The following CRYBG1 variants were observed in gnomAD, a reference collection of about 807,000 sequenced individuals.
CRYBG1 encodes beta/gamma crystallin domain-containing protein 1.
Under a neutral mutation model 189.2 loss-of-function variants are expected in CRYBG1, and 139 were observed. That is an observed-to-expected ratio of 0.73 (90% CI 0.64 to 0.85). CRYBG1 has a LOEUF of 0.85. Among genes scored for constraint, CRYBG1 ranks in the 40% least tolerant of loss-of-function variants. The pLI, the probability that CRYBG1 is intolerant of heterozygous loss-of-function variation, is 0.00. For missense variants in CRYBG1, 2,611 were observed against 2,675.8 expected (o/e 0.98, Z 0.53); for synonymous variants, 1,023 against 1,017.1 (o/e 1.01, Z -0.11).
intron 18 of CRYBG1, among the ~76,000 whole-genome samples, chr6:106,559,454 C>G (rs538767350): frequency 1.3e-5 from 2 of 151,940 alleles, no homozygotes; most frequent in Non-Finnish European, 2.9e-5. Context: ...TACCTGTGTA[C>G]AACAGATGTT....
At chr6:106,421,983 A>G in intron 1 of CRYBG1, among the ~76,000 whole-genome samples, 1 of 152,002 alleles carries the variant, frequency 6.6e-6, no homozygotes, top group Middle Eastern at 3.2e-3. Flanking sequence ...GGAAAGACCC[A>G]CCTCCATGAT....
At chr6:106,413,612 G>C (rs1041959400) in intron 1 of CRYBG1, among the ~76,000 whole-genome samples, 1 of 152,060 alleles carries the variant, frequency 6.6e-6, no homozygotes, top group African/African-American at 2.4e-5. Context: ...CGGAAGCAGC[G>C]GTTGCAGTGA....
chr6:106,481,428 G>T (rs888437580), intron 2 of CRYBG1, among the ~76,000 whole-genome samples: 1 of 152,090 alleles, frequency 6.6e-6, no homozygotes, highest in Non-Finnish European at 1.5e-5. Flanking sequence ...AGGTACACTT[G>T]CCACCCCATG....
intron 1 of CRYBG1, among the ~76,000 whole-genome samples, chr6:106,399,577 T>A (rs1476093652): frequency 6.6e-6 from 1 of 152,182 alleles, no homozygotes; most frequent in Non-Finnish European, 1.5e-5. Context: ...TGCAGTATTC[T>A]CTTATGGCTT....
intron 9 of CRYBG1, chr6:106,541,154 T>A: frequency 4.5e-6 from 2 of 441,504 alleles, no homozygotes; most frequent in Non-Finnish European, 9.3e-6. Context: ...CCGAAGGGAA[T>A]GGTAGAGACG....
chr6:106,555,710 T>C, intron 16 of CRYBG1, 58 bp from the exon 17 acceptor site: 1 of 1,570,034 alleles, frequency 6.4e-7, no homozygotes, highest in South Asian at 1.2e-5. Context: ...TCAGACTTCT[T>C]GAATAGGAGT....
Position 106,513,081 on chromosome 6 carries a change from A to G in CRYBG1, c.1922+42A>G, listed in dbSNP as rs775606758. ...GTCCCGGCCGAGTTGCTGTCCGCACACGTGCTGGGGGTCCGCTCTGAGAGG... is the reference window on the plus strand; with the variant it reads ...GTCCCGGCCGAGTTGCTGTCCGCACGCGTGCTGGGGGTCCGCTCTGAGAGG... On this transcript the variant is annotated intron_variant, in intron 3 of 21. Transcript: ENST00000633556. 13 of 1,571,690 alleles carry G rather than the reference A, an allele frequency of 8.3e-6. No homozygotes were observed. In the East Asian group the frequency reaches 3.0e-4, roughly 36 times the overall value.
At chr6:106,494,909 A>G (rs373318911) in intron 2 of CRYBG1, among the ~76,000 whole-genome samples, 2 of 152,228 alleles carry the variant, frequency 1.3e-5, no homozygotes, top group African/African-American at 4.8e-5. Context: ...ACAACATTAA[A>G]TAAAATTGAC....
chr6:106,443,126 A>G (rs764916214), intron 1 of CRYBG1, among the ~76,000 whole-genome samples: 6 of 152,346 alleles, frequency 3.9e-5, no homozygotes, highest in Non-Finnish European at 4.4e-5. Flanking sequence ...GTTGGAATGC[A>G]CAAGAGTAGA....
At position 106,556,324 on chromosome 6, in the gene CRYBG1, T is replaced by C. The variant is rs563580882; in HGVS notation, c.5715+427T>C. Reference sequence around the variant, plus strand: ...ATGAGCAGAAAGCAGTATGTCGTCATTGGGTTAATTTGTATTTCACTATTA... The same window carrying C: ...ATGAGCAGAAAGCAGTATGTCGTCACTGGGTTAATTTGTATTTCACTATTA... On this transcript the variant is annotated intron_variant, in intron 17 of 21. Coordinates refer to ENST00000633556, the MANE Select transcript of CRYBG1 (RefSeq NM_001371242.2). Among the ~76,000 whole-genome samples, 6 of 152,368 alleles carry C rather than the reference T, an allele frequency of 3.9e-5. No individual in the cohort carries two copies. In the East Asian group the frequency reaches 1.2e-3, roughly 29 times the overall value.
chr6:106,440,409 C>T (rs1771546254), intron 1 of CRYBG1, among the ~76,000 whole-genome samples: 1 of 151,772 alleles, frequency 6.6e-6, no homozygotes, highest in African/African-American at 2.4e-5. Flanking sequence ...GGACTGTAGG[C>T]GCACACCACC....
chr6:106,505,931 TA>T (rs796364240), intron 2 of CRYBG1, among the ~76,000 whole-genome samples: 6 of 149,808 alleles, frequency 4.0e-5, no homozygotes, highest in East Asian at 3.9e-4. Context: ...CACACGTGTT[TA>T]AAAAAAAAAG....
Position 106,557,713 on chromosome 6 carries a change from G to A in CRYBG1, c.5716-773G>A, listed in dbSNP as rs577521358. 2.2e-3 allele frequency among the ~76,000 whole-genome samples: 339 copies of A among 152,000 alleles called. 1 individual carries two copies. The highest frequency in any genetic ancestry group is 3.5e-3 in the Non-Finnish European group (235 of 67,948). On this transcript the variant is annotated intron_variant, in intron 17 of 21. Coordinates refer to ENST00000633556, the MANE Select transcript of CRYBG1 (RefSeq NM_001371242.2). ...CTCCCAAAGTGCTGGGATGACAGGC[G>A]TAAGCCACCATGCCCGGCCTCCCAC...
At chr6:106,461,589 ATTTGT>A (rs899108128) in intron 2 of CRYBG1, among the ~76,000 whole-genome samples, 3 of 152,078 alleles carry the variant, frequency 2.0e-5, no homozygotes, top group African/African-American at 7.2e-5. Context: ...GTGATAGAAT[ATTTGT>A]TTTGGTCAGA....
chr6:106,399,693 G>A (rs540720660), intron 1 of CRYBG1, among the ~76,000 whole-genome samples: 2 of 134,068 alleles, frequency 1.5e-5, no homozygotes, highest in Admixed American at 1.7e-4. Flanking sequence ...GTCTCACTCT[G>A]TTACCTAGCC....
At chr6:106,392,990 GTC>G (rs946366726) in intron 1 of CRYBG1, among the ~76,000 whole-genome samples, 44 of 152,144 alleles carry the variant, frequency 2.9e-4, no homozygotes, top group Admixed American at 5.2e-4. Flanking sequence ...GGCCAGGCAG[GTC>G]TCGAACTCCT....
At chr6:106,437,721 G>A (rs992573229) in intron 1 of CRYBG1, among the ~76,000 whole-genome samples, 1 of 152,230 alleles carries the variant, frequency 6.6e-6, no homozygotes, top group African/African-American at 2.4e-5. Flanking sequence ...ACAGGCATGA[G>A]CTACTGCACC....
At chr6:106,480,992 TAG>T (rs1772439406) in intron 2 of CRYBG1, among the ~76,000 whole-genome samples, 1 of 30,334 alleles carries the variant, frequency 3.3e-5, no homozygotes. Flanking sequence ...TTTTTTTTTT[TAG>T]ACGGAGTCTC....
intron 2 of CRYBG1, among the ~76,000 whole-genome samples, chr6:106,474,962 G>A (rs2114472227): frequency 6.6e-6 from 1 of 152,170 alleles, no homozygotes; most frequent in African/African-American, 2.4e-5. Context: ...GGGGAAAACA[G>A]GTAGATTTTT....
Sources: allele counts gnomAD v4.1 joint callset (sites outside exome capture counted in the v4.1 genomes callset), GRCh38; gene constraint gnomAD v4.1.1; transcripts MANE v1.5; gene names NCBI Gene and HGNC (gene_info 2026-07-23, HGNC 2026-07-21).